CASQ2: variants seen among roughly 807,000 people sequenced by gnomAD.
CASQ2 encodes calsequestrin 2.
In CASQ2, 49 loss-of-function variants were observed where a neutral mutation model predicts 46.5. The observed-to-expected ratio is 1.05, with a 90% confidence interval of 0.84 to 1.34. CASQ2 has a LOEUF of 1.34. CASQ2 is among the 40% of genes most tolerant of loss of function. The pLI is 0.00. For synonymous variants in CASQ2, 174 were observed against 168.5 expected, an observed-to-expected ratio of 1.03 and a Z score of -0.25; for missense variants, 486 against 481.3, an observed-to-expected ratio of 1.01 and a Z score of -0.09.
chr1:115,756,577 C>T (rs1163755088), intron 1 of CASQ2, among the ~76,000 whole-genome samples: 1 of 152,154 alleles, frequency 6.6e-6, no homozygotes, highest in African/African-American at 2.4e-5. Flanking sequence ...AATTTTACTG[C>T]CTTATATCAT....
chr1:115,725,406 C>T (rs1162386743), intron 7 of CASQ2, 102 bp downstream of exon 7: 4 of 1,322,612 alleles, frequency 3.0e-6, no homozygotes, highest in Non-Finnish European at 4.4e-6. Context: ...TCCACCTCAG[C>T]CAAATAAACT....
At chr1:115,756,572 TA>T (rs1403161421) in intron 1 of CASQ2, among the ~76,000 whole-genome samples, 2 of 152,258 alleles carry the variant, frequency 1.3e-5, no homozygotes, top group Non-Finnish European at 2.9e-5. Flanking sequence ...CTTTTAATTT[TA>T]CTGCCTTATA....
intron 7 of CASQ2, among the ~76,000 whole-genome samples, chr1:115,720,256 T>C (rs567915907): frequency 1.3e-5 from 2 of 152,240 alleles, no homozygotes; most frequent in East Asian, 3.9e-4. Flanking sequence ...GCCGGCAGAT[T>C]TGGTGTCTCG....
intron 1 of CASQ2, among the ~76,000 whole-genome samples, chr1:115,757,512 C>T (rs926695635): frequency 7.2e-5 from 11 of 152,204 alleles, no homozygotes; most frequent in Non-Finnish European, 1.5e-4. Flanking sequence ...GCTATTCCCT[C>T]CCCAGCGTTT....
intron 8 of CASQ2, among the ~76,000 whole-genome samples, chr1:115,717,102 G>A (rs917591401): frequency 6.6e-6 from 1 of 152,090 alleles, no homozygotes; most frequent in Non-Finnish European, 1.5e-5. Flanking sequence ...GTCTGCTCCC[G>A]CTTTGCCTTC....
intron 10 of CASQ2, 106 bp from the exon 11 acceptor site, chr1:115,701,532 C>T (rs1223182076): frequency 7.9e-6 from 6 of 763,502 alleles, no homozygotes; most frequent in African/African-American, 1.7e-5. Flanking sequence ...GACTCTCTTA[C>T]ACTTATTAGG....
intron 1 of CASQ2, among the ~76,000 whole-genome samples, chr1:115,757,654 T>A (rs1648808615): frequency 6.6e-6 from 1 of 152,116 alleles, no homozygotes; most frequent in African/African-American, 2.4e-5. Flanking sequence ...GGGTCAGCCT[T>A]ATAAAGCTTG....
chr1:115,744,907 C>T lies in CASQ2; in HGVS notation c.240G>A (p.Val80=), dbSNP rs2101101070. 6 of 1,612,156 alleles carry T rather than the reference C, an allele frequency of 3.7e-6. No individual in the cohort carries two copies. In the South Asian group the frequency reaches 6.6e-5, roughly 18 times the overall value. The change falls in exon 2 of 11, where the codon GTG becomes GTA. Residue 80 remains valine (V), a synonymous_variant. Coordinates refer to ENST00000261448, the MANE Select transcript of CASQ2 (RefSeq NM_001232.4). ...TAGCTTTATGTTCAAGGACCTGGGCCACAAGCTGAAGAAACAAATGGAAAG... is the reference window on the plus strand; with the variant it reads ...TAGCTTTATGTTCAAGGACCTGGGCTACAAGCTGAAGAAACAAATGGAAAG... ...FQLKEIVLEL[V]AQVLEHKAIG...
intron 1 of CASQ2, among the ~76,000 whole-genome samples, chr1:115,756,801 G>C (rs1232386720): frequency 6.6e-6 from 1 of 152,070 alleles, no homozygotes; most frequent in Admixed American, 6.5e-5. Flanking sequence ...ACAAAAATTA[G>C]CTGGGCAGGG....
At chr1:115,754,927 C>T (rs1194228415) in intron 1 of CASQ2, among the ~76,000 whole-genome samples, 1 of 152,226 alleles carries the variant, frequency 6.6e-6, no homozygotes, top group Non-Finnish European at 1.5e-5. Flanking sequence ...CCTGGAGGGG[C>T]AGCCAGTAAA....
chr1:115,730,289 G>A lies in CASQ2; in HGVS notation c.606+2612C>T, dbSNP rs111708761. ...ACTACTGACTGACAAATTTACATCAGCAGCCATGACATCTCACCCTCTTTA... is the reference window on the plus strand; with the variant it reads ...ACTACTGACTGACAAATTTACATCAACAGCCATGACATCTCACCCTCTTTA... On this transcript the variant is annotated intron_variant, in intron 5 of 10. Coordinates refer to ENST00000261448, the MANE Select transcript of CASQ2 (RefSeq NM_001232.4). Among the ~76,000 whole-genome samples, 5 of 152,316 alleles carry A rather than the reference G, an allele frequency of 3.3e-5. 2 individuals carry two copies. The highest frequency in any genetic ancestry group is 1.2e-4 in the African/African-American group (5 of 41,566).
At chr1:115,727,925 A>T (rs970612599) in intron 5 of CASQ2, among the ~76,000 whole-genome samples, 4 of 152,218 alleles carry the variant, frequency 2.6e-5, no homozygotes, top group Non-Finnish European at 5.9e-5. Flanking sequence ...GTCAAGGCAG[A>T]ATGGTTGCTG....
rs1189499360 is a variant in CASQ2 at position 115,731,726 on chromosome 1, A to C, written c.606+1175T>G. Among the ~76,000 whole-genome samples, 3 of 152,176 alleles carry C rather than the reference A, an allele frequency of 2.0e-5. No homozygotes were observed. In the East Asian group the frequency reaches 5.8e-4, roughly 29 times the overall value. ...AATTCAGTAACTACATGATCATGAA[A>C]AAATCACTTAATCTTTCAGCACCTC... On this transcript the variant is annotated intron_variant, in intron 5 of 10. Transcript: ENST00000261448.
intron 8 of CASQ2, among the ~76,000 whole-genome samples, chr1:115,715,230 G>A (rs796141352): frequency 6.6e-5 from 10 of 152,290 alleles, no homozygotes; most frequent in South Asian, 2.1e-4. Flanking sequence ...AGTGGTGGCC[G>A]GAACCTGTGG....
In CASQ2 at chr1:115,730,227, G is replaced by T. The variant is rs1392637937; in HGVS notation, c.606+2674C>A. ...GGCCCAGAGACCAATGGTTTTAAAA[G>T]CTTGTTGGAGGATACTAATATGGAT... On this transcript the variant is annotated intron_variant, in intron 5 of 10. Transcript: ENST00000261448. 2.0e-5 allele frequency among the ~76,000 whole-genome samples: 3 copies of T among 152,212 alleles called. No homozygotes were observed. The East Asian group carries it at 5.8e-4, about 29-fold the overall frequency.
At chr1:115,743,872 C>G (rs955750547) in intron 2 of CASQ2, among the ~76,000 whole-genome samples, 1 of 151,882 alleles carries the variant, frequency 6.6e-6, no homozygotes, top group African/African-American at 2.4e-5. Context: ...AGCTATGGCT[C>G]ACGCCTGTAA....
intron 2 of CASQ2, among the ~76,000 whole-genome samples, chr1:115,744,134 C>A (rs1171461809): frequency 1.5e-5 from 2 of 130,310 alleles, no homozygotes; most frequent in African/African-American, 2.7e-5. Context: ...ACAGTGAGAA[C>A]CTGTCTCAAA....
chr1:115,743,524 A>G (rs2101099034), intron 2 of CASQ2, among the ~76,000 whole-genome samples: 1 of 152,302 alleles, frequency 6.6e-6, no homozygotes, highest in East Asian at 1.9e-4. Flanking sequence ...GACATTCTTA[A>G]TAACTCATTA....
chr1:115,729,123 C>A (rs143976965), intron 5 of CASQ2, among the ~76,000 whole-genome samples: 1 of 139,574 alleles, frequency 7.2e-6, no homozygotes, highest in East Asian at 2.3e-4. Flanking sequence ...AGTCTCGGCT[C>A]ACTGCAATCT....
Sources: allele counts gnomAD v4.1 joint callset (sites outside exome capture counted in the v4.1 genomes callset), GRCh38; gene constraint gnomAD v4.1.1; transcripts MANE v1.5; gene names NCBI Gene and HGNC (gene_info 2026-07-23, HGNC 2026-07-21).